The following CLVS1 variants were observed in gnomAD, a reference collection of about 807,000 sequenced individuals.
CLVS1 encodes the protein clavesin-1.
Under a neutral mutation model 33.1 loss-of-function variants are expected in CLVS1, and 10 were observed. That is an observed-to-expected ratio of 0.30 (90% CI 0.19 to 0.51). CLVS1 has a LOEUF of 0.51. Among genes scored for constraint, CLVS1 ranks in the 20% least tolerant of loss-of-function variants. CLVS1 has a pLI of 0.97. For synonymous variants in CLVS1, 163 were observed against 166.1 expected (o/e 0.98, Z 0.14); for missense variants, 343 against 433.4 (o/e 0.79, Z 1.85).
the CLVS1 span, among the ~76,000 whole-genome samples, chr8:61,050,612 G>C: frequency 1.3e-5 from 2 of 150,728 alleles, no homozygotes; most frequent in Admixed American, 1.3e-4. Flanking sequence ...TCCATGCATA[G>C]AGAGGGCTGA....
At chr8:61,215,711 TG>T (rs1808068956) in intron 2 of CLVS1, among the ~76,000 whole-genome samples, 1 of 151,260 alleles carries the variant, frequency 6.6e-6, no homozygotes, top group East Asian at 1.9e-4. Context: ...TGTGTGTGTG[TG>T]TGTGTGTGTG....
chr8:61,469,710 G>A (rs1817672268), intron 5 of CLVS1, among the ~76,000 whole-genome samples: 1 of 152,220 alleles, frequency 6.6e-6, no homozygotes, highest in Non-Finnish European at 1.5e-5. Flanking sequence ...GGTTGGCAGT[G>A]TGGGAACAGG....
At chr8:61,161,761 C>G (rs142360644) in intron 2 of CLVS1, among the ~76,000 whole-genome samples, 188 of 152,328 alleles carry the variant, frequency 1.2e-3, no homozygotes, top group African/African-American at 4.2e-3. Context: ...CATATTTATA[C>G]TTGGCAATCA....
intron 2 of CLVS1, among the ~76,000 whole-genome samples, chr8:61,209,930 T>A (rs2882256): frequency 1.3e-5 from 2 of 152,240 alleles, no homozygotes; most frequent in Non-Finnish European, 2.9e-5. Context: ...ATGATTTGAT[T>A]ACACTAAAGG....
chr8:61,206,123 T>G lies in CLVS1; in HGVS notation c.-152+74263T>G, dbSNP rs115115685. ...TCATTTTCATTCTATTCAGCAAATT[T>G]GAATGATCACCTACCATTTACCAAA... is the stretch of plus-strand genomic sequence containing the variant. On this transcript the variant is annotated intron_variant, in intron 2 of 2. Transcript: ENST00000522621. Among the ~76,000 whole-genome samples, 313 of 152,334 alleles carry G rather than the reference T, an allele frequency of 2.1e-3. 2 individuals carry two copies. The highest frequency in any genetic ancestry group is 7.2e-3 in the African/African-American group (299 of 41,578).
chr8:60,974,753 T>G, the CLVS1 span, among the ~76,000 whole-genome samples: 1 of 149,156 alleles, frequency 6.7e-6, no homozygotes, highest in Non-Finnish European at 1.5e-5. Context: ...CACTCCAGCC[T>G]GGGCAATAGA....
chr8:61,128,623 T>G (rs1247889561), intron 1 of CLVS1, among the ~76,000 whole-genome samples: 1 of 152,242 alleles, frequency 6.6e-6, no homozygotes, highest in African/African-American at 2.4e-5. Flanking sequence ...CCTGTGCTCT[T>G]TCATCCTACC....
chr8:61,285,988 C>T (rs1358415762), upstream of CLVS1, among the ~76,000 whole-genome samples: 2 of 147,026 alleles, frequency 1.4e-5, no homozygotes, highest in African/African-American at 2.5e-5. Flanking sequence ...GCACATAAGA[C>T]GCTGTCATTA....
intron 5 of CLVS1, among the ~76,000 whole-genome samples, chr8:61,461,603 G>T (rs1044476377): frequency 6.6e-6 from 1 of 152,176 alleles, no homozygotes. Flanking sequence ...TGCCATTTTA[G>T]AACATGGATA....
intron 2 of CLVS1, among the ~76,000 whole-genome samples, chr8:61,207,421 G>A (rs1807878405): frequency 1.9e-5 from 1 of 51,844 alleles, no homozygotes; most frequent in African/African-American, 1.8e-4. Context: ...AAAGTGCAGA[G>A]GTGCCTGGGC....
intron 5 of CLVS1, 45 bp downstream of exon 5, chr8:61,458,587 T>A (rs1355263473): frequency 7.6e-7 from 1 of 1,318,688 alleles, no homozygotes; most frequent in African/African-American, 1.5e-5. Flanking sequence ...CAGAGGTCAA[T>A]GGAATTTTTT....
At chr8:61,070,163 C>T (rs1268471520) in intron 1 of CLVS1, among the ~76,000 whole-genome samples, 2 of 152,182 alleles carry the variant, frequency 1.3e-5, no homozygotes, top group African/African-American at 4.8e-5. Flanking sequence ...GCCCCTGAGG[C>T]CCTGTCCTCA....
chr8:61,376,977 C>T, intron 3 of CLVS1, 198 bp downstream of exon 3: 1 of 514,740 alleles, frequency 1.9e-6, no homozygotes. Flanking sequence ...TTAATAACTC[C>T]AAATTACTGT....
intron 2 of CLVS1, among the ~76,000 whole-genome samples, chr8:61,345,621 G>GTT (rs36068150): frequency 6.7e-6 from 1 of 148,788 alleles, no homozygotes; most frequent in Non-Finnish European, 1.5e-5. Context: ...AGCCTCTAGG[G>GTT]GTGTGTGTGT....
chr8:61,484,767 C>T (rs1803808540), intron 5 of CLVS1, among the ~76,000 whole-genome samples: 1 of 152,174 alleles, frequency 6.6e-6, no homozygotes, highest in Admixed American at 6.5e-5. Context: ...TGGAACAGAA[C>T]AGAGCCCTTG....
In CLVS1 at chr8:61,123,250, C is replaced by G. The variant is rs1244248356; in HGVS notation, c.-242-8520C>G. 3.4e-5 allele frequency among the ~76,000 whole-genome samples: 5 copies of G among 146,016 alleles called. 1 individual carries two copies. Among genetic ancestry groups the G allele is most frequent in the Non-Finnish European group, 7.6e-5 (5 of 66,072 alleles). ...CACCATTGCACTCCAGCCTGGGAAA[C>G]AAGAGTGAAACTCTGTCTCAAAATA... On this transcript the variant is annotated intron_variant, in intron 1 of 2. Coordinates refer to the CLVS1 transcript ENST00000522621.
chr8:61,102,377 G>A (rs1041014286), intron 1 of CLVS1, among the ~76,000 whole-genome samples: 4 of 152,020 alleles, frequency 2.6e-5, no homozygotes, highest in African/African-American at 9.7e-5. Flanking sequence ...AAAAAAAATT[G>A]TTTTCTTAAT....
At chr8:61,460,699 ATTG>A (rs1015655527) in intron 5 of CLVS1, among the ~76,000 whole-genome samples, 15 of 152,128 alleles carry the variant, frequency 9.9e-5, no homozygotes, top group Non-Finnish European at 1.9e-4. Context: ...ATAAGCAGAT[ATTG>A]TTGTTCTTTG....
chr8:61,270,611 C>G (rs1305251376), intron 2 of CLVS1, among the ~76,000 whole-genome samples: 1 of 152,152 alleles, frequency 6.6e-6, no homozygotes, highest in Non-Finnish European at 1.5e-5. Flanking sequence ...CCTTGTACCT[C>G]TGGTAGAATT....
Sources: gnomAD v4.1 joint callset for allele counts (sites outside exome capture counted in the v4.1 genomes callset) on GRCh38, gnomAD v4.1.1 for gene constraint, MANE v1.5 for transcripts, NCBI Gene and HGNC (gene_info 2026-07-23, HGNC 2026-07-21) for gene names.